The following NAALADL2 variants were observed in gnomAD, a reference collection of about 807,000 sequenced individuals.
The protein encoded by NAALADL2 is N-acetylated alpha-linked acidic dipeptidase like 2.
In NAALADL2, 76 loss-of-function variants were observed where a neutral mutation model predicts 87.2. The ratio of observed to expected loss-of-function variants is 0.87; its 90% confidence interval spans 0.72 to 1.05. The LOEUF (loss-of-function observed/expected upper bound fraction) is 1.05. NAALADL2 is among the 50% of genes least tolerant of loss of function. NAALADL2 has a pLI of 0.00. For missense variants in NAALADL2, 1,089 were observed against 945.8 expected (o/e 1.15, Z -1.99); for synonymous variants, 354 against 331.0 (o/e 1.07, Z -0.75).
At chr3:174,854,764 AAC>A (rs1385062513), upstream of NAALADL2, among the ~76,000 whole-genome samples, 2 of 151,914 alleles carry the variant, frequency 1.3e-5, no homozygotes, top group Non-Finnish European at 2.9e-5. Flanking sequence ...TTGAATACGT[AAC>A]ACAGTATCAT....
At chr3:174,822,263 G>A (rs956245322) in intron 3 of NAALADL2, among the ~76,000 whole-genome samples, 3 of 152,014 alleles carry the variant, frequency 2.0e-5, no homozygotes, top group African/African-American at 4.8e-5. Flanking sequence ...AAGAAGGAAG[G>A]TGATAAACCC....
rs1387085880 is a variant in NAALADL2, at chr3:175,576,066, G to A, written c.1679G>A (p.Arg560Lys). The A allele has an allele frequency of 6.2e-6, 10 of 1,611,954 alleles. No individual in the cohort carries two copies. In the Admixed American group the frequency reaches 6.7e-5, roughly 11 times the overall value. Residue 560 changes from arginine to lysine, a missense_variant, in exon 10 of 14, where the codon AGA (arginine) becomes AAA (lysine). Transcript: ENST00000454872. Reference protein sequence around the residue: ...VEKNNFNCTRRAQCPETNISS... With the variant: ...VEKNNFNCTRKAQCPETNISS... The stretch of plus-strand genomic sequence containing the variant: ...AAAAATAATTTCAACTGTACCAGAA[G>A]AGCCCAGTGCCCAGAAACCAATATC...
At chr3:174,655,730 ACTTT>A (rs1447741244) in intron 2 of NAALADL2, among the ~76,000 whole-genome samples, 9 of 152,322 alleles carry the variant, frequency 5.9e-5, no homozygotes, top group Admixed American at 1.3e-4. Context: ...ATTTAAAGTG[ACTTT>A]CTTTATATTA....
At chr3:174,611,451 A>G (rs1719870524) in intron 2 of NAALADL2, among the ~76,000 whole-genome samples, 1 of 151,852 alleles carries the variant, frequency 6.6e-6, no homozygotes, top group Non-Finnish European at 1.5e-5. Context: ...AAAGTTGTCC[A>G]TTTTTTGATT....
At chr3:174,811,658 TTTTG>T (rs1720226622) in intron 3 of NAALADL2, among the ~76,000 whole-genome samples, 1 of 152,188 alleles carries the variant, frequency 6.6e-6, no homozygotes, top group Non-Finnish European at 1.5e-5. Context: ...GACTTTGGAC[TTTTG>T]AGTTAATGCT....
intron 1 of NAALADL2, among the ~76,000 whole-genome samples, chr3:174,957,538 G>A (rs777735247): frequency 1.3e-5 from 2 of 151,926 alleles, no homozygotes; most frequent in Non-Finnish European, 2.9e-5. Context: ...GGTATATCCC[G>A]GATAGCTTCT....
intron 13 of NAALADL2, among the ~76,000 whole-genome samples, chr3:175,767,902 G>A (rs1279785011): frequency 1.3e-5 from 2 of 152,100 alleles, no homozygotes; most frequent in African/African-American, 4.8e-5. Context: ...AAGCAGATTC[G>A]GTTCTACTTC....
intron 1 of NAALADL2, among the ~76,000 whole-genome samples, chr3:174,937,722 T>G (rs1560387529): frequency 6.6e-6 from 1 of 152,080 alleles, no homozygotes; most frequent in African/African-American, 2.4e-5. Context: ...AAGGCTGGAT[T>G]TAAAACATTT....
chr3:175,186,902 AAAT>A (rs138724967), intron 2 of NAALADL2, among the ~76,000 whole-genome samples: 5,755 of 152,122 alleles, frequency 0.038, 327 homozygotes, highest in African/African-American at 0.13. Context: ...GCAATAGGGA[AAAT>A]AATAATAATA....
intron 2 of NAALADL2, among the ~76,000 whole-genome samples, chr3:175,193,510 C>T (rs149895084): frequency 9.2e-5 from 14 of 151,892 alleles, no homozygotes; most frequent in African/African-American, 2.2e-4. Flanking sequence ...CATACTGTTA[C>T]GGCCCCCTTT....
intron 4 of NAALADL2, among the ~76,000 whole-genome samples, chr3:175,290,820 C>G (rs1327211346): frequency 6.6e-6 from 1 of 151,950 alleles, no homozygotes; most frequent in Non-Finnish European, 1.5e-5. Context: ...TAGGCTCTTC[C>G]CAGATCTCCA....
At chr3:175,632,307 T>TCC (rs1727898001) in intron 11 of NAALADL2, among the ~76,000 whole-genome samples, 2 of 140,680 alleles carry the variant, frequency 1.4e-5, no homozygotes, top group Non-Finnish European at 3.1e-5. Context: ...TCTCTCTCTC[T>TCC]CTCCTACTCC....
chr3:175,226,067 G>A (rs1744109879), intron 2 of NAALADL2, among the ~76,000 whole-genome samples: 1 of 152,050 alleles, frequency 6.6e-6, no homozygotes, highest in South Asian at 2.1e-4. Flanking sequence ...TAAAGTATTT[G>A]TTGAGTATCA....
intron 1 of NAALADL2, among the ~76,000 whole-genome samples, chr3:174,925,297 A>G (rs1735835259): frequency 6.6e-6 from 1 of 152,166 alleles, no homozygotes; most frequent in Non-Finnish European, 1.5e-5. Flanking sequence ...ATGGCTAGCC[A>G]GTTTTCCCAG....
chr3:175,584,944 C>A (rs1470286668), intron 10 of NAALADL2, among the ~76,000 whole-genome samples: 1 of 152,108 alleles, frequency 6.6e-6, no homozygotes. Flanking sequence ...ACATAGGCTA[C>A]ACTAAATTTA....
At chr3:175,509,193 A>G (rs1730788277) in intron 9 of NAALADL2, among the ~76,000 whole-genome samples, 1 of 152,070 alleles carries the variant, frequency 6.6e-6, no homozygotes, top group Non-Finnish European at 1.5e-5. Context: ...ATGTTCCTAT[A>G]CTGTAATATT....
intron 10 of NAALADL2, among the ~76,000 whole-genome samples, chr3:175,585,647 A>T (rs996515251): frequency 6.6e-6 from 1 of 152,178 alleles, no homozygotes; most frequent in African/African-American, 2.4e-5. Flanking sequence ...TTTCCAAAAA[A>T]TATAAGTGGA....
chr3:174,787,014 T>C (rs1350679616), intron 3 of NAALADL2, among the ~76,000 whole-genome samples: 1 of 150,908 alleles, frequency 6.6e-6, no homozygotes, highest in Non-Finnish European at 1.5e-5. Context: ...GGTTAATATA[T>C]TTGATTTTAT....
intron 2 of NAALADL2, among the ~76,000 whole-genome samples, chr3:174,600,742 A>G (rs1718368237): frequency 6.6e-6 from 1 of 152,260 alleles, no homozygotes; most frequent in East Asian, 1.9e-4. Context: ...CATGTCTTAC[A>G]TGGCTGGAGC....
Sources: allele counts gnomAD v4.1 joint callset (sites outside exome capture counted in the v4.1 genomes callset), GRCh38; gene constraint gnomAD v4.1.1; transcripts MANE v1.5; gene names NCBI Gene and HGNC (gene_info 2026-07-23, HGNC 2026-07-21).